The following HECW2 variants were observed in gnomAD, a reference collection of about 807,000 sequenced individuals.
HECW2 encodes the protein HECT, C2 and WW domain containing E3 ubiquitin protein ligase 2.
A neutral mutation model predicts 175.2 loss-of-function variants in HECW2; 61 were observed. That is an observed-to-expected ratio of 0.35 (90% confidence interval 0.28 to 0.43). HECW2 has a LOEUF of 0.43. Among genes scored for constraint, HECW2 ranks in the 20% least tolerant of loss-of-function variants. The probability of loss-of-function intolerance (pLI) is 1.00; values close to 1 mark genes in which losing one functional copy is unlikely to be tolerated. For synonymous variants in HECW2, 671 were observed against 731.0 expected (o/e 0.92, Z 1.32); for missense variants, 1,524 against 2,000.5 (o/e 0.76, Z 4.54).
intron 17 of HECW2, 53 bp downstream of exon 17, chr2:196,271,140 A>T (rs1412045459): frequency 4.8e-6 from 5 of 1,047,016 alleles, no homozygotes; most frequent in Non-Finnish European, 5.9e-6. Context: ...TAAAACTAAG[A>T]TTTAATGGTT....
intron 2 of HECW2, among the ~76,000 whole-genome samples, chr2:196,385,839 A>T (rs1251037974): frequency 6.6e-6 from 1 of 152,240 alleles, no homozygotes; most frequent in Non-Finnish European, 1.5e-5. Context: ...AATTTGGTCC[A>T]AATGAAACTA....
intron 1 of HECW2, among the ~76,000 whole-genome samples, chr2:196,491,462 T>A (rs1687189927): frequency 7.8e-6 from 1 of 127,824 alleles, no homozygotes; most frequent in Non-Finnish European, 1.6e-5. Flanking sequence ...CTTAGGTATA[T>A]TAGGTGTGTG....
At chr2:196,510,936 G>T (rs1169181032) in intron 1 of HECW2, among the ~76,000 whole-genome samples, 4 of 151,578 alleles carry the variant, frequency 2.6e-5, no homozygotes, top group African/African-American at 9.7e-5. Context: ...TTTGTTTGGG[G>T]TTTTTTTCTT....
chr2:196,358,189 T>C (rs1218309239), intron 2 of HECW2, among the ~76,000 whole-genome samples: 1 of 152,164 alleles, frequency 6.6e-6, no homozygotes, highest in Non-Finnish European at 1.5e-5. Context: ...AAAATGATAG[T>C]AATCACACTT....
intron 1 of HECW2, among the ~76,000 whole-genome samples, chr2:196,539,926 T>C (rs955619899): frequency 6.6e-6 from 1 of 152,226 alleles, no homozygotes; most frequent in African/African-American, 2.4e-5. Context: ...AAACTGATAC[T>C]ATCTTTTGTT....
intron 1 of HECW2, among the ~76,000 whole-genome samples, chr2:196,435,549 A>G (rs2125277336): frequency 6.6e-6 from 1 of 152,372 alleles, no homozygotes; most frequent in South Asian, 2.1e-4. Flanking sequence ...TCACAACAGA[A>G]GAAATACTGA....
At chr2:196,392,165 T>A (rs1694531236) in intron 2 of HECW2, among the ~76,000 whole-genome samples, 1 of 152,230 alleles carries the variant, frequency 6.6e-6, no homozygotes, top group East Asian at 1.9e-4. Flanking sequence ...ATTCAATCCC[T>A]TTATCTGTAA....
rs375730848 is a variant in HECW2, at chr2:196,456,882, C to T, written c.-35-23424G>A. On this transcript the variant is annotated intron_variant, in intron 1 of 28. Coordinates refer to ENST00000644978, the MANE Select transcript of HECW2 (RefSeq NM_001348768.2). ...AAGATGCTACAAATTTAAGCAACCT[C>T]GGGTTTTCTTCATTCTTTAATACAC... is the stretch of plus-strand genomic sequence containing the variant. Among the ~76,000 whole-genome samples, 42 of 152,296 alleles carry T rather than the reference C, an allele frequency of 2.8e-4. No homozygotes were observed. In the South Asian group the frequency reaches 8.1e-3, roughly 29 times the overall value.
At chr2:196,537,420 T>C (rs1009889093) in intron 1 of HECW2, among the ~76,000 whole-genome samples, 3 of 151,988 alleles carry the variant, frequency 2.0e-5, no homozygotes, top group Admixed American at 6.6e-5. Context: ...TCCAATTCAG[T>C]TGAAGCTGGA....
At chr2:196,579,389 GAGAC>G (rs1309956499) in intron 1 of HECW2, among the ~76,000 whole-genome samples, 1 of 152,024 alleles carries the variant, frequency 6.6e-6, no homozygotes. Context: ...AAACAGGAAA[GAGAC>G]AGACATAAAT....
At chr2:196,527,453 T>C (rs1381903117) in intron 1 of HECW2, among the ~76,000 whole-genome samples, 1 of 152,224 alleles carries the variant, frequency 6.6e-6, no homozygotes, top group Non-Finnish European at 1.5e-5. Flanking sequence ...TCGCTCACGC[T>C]GGGAGCTGTA....
Position 196,402,133 on chromosome 2 carries a change from G to A in HECW2, c.292+30999C>T, listed in dbSNP as rs188317692. Among the ~76,000 whole-genome samples, 171 of 144,534 alleles carry A rather than the reference G, an allele frequency of 1.2e-3. 2 individuals carry two copies. The Middle Eastern group carries it at 0.026, about 22-fold the overall frequency. 94.8% of individuals were successfully genotyped at this position (144,534 alleles called of 152,430 possible). A position where few individuals can be genotyped will look rare whatever the true frequency, so the allele number is the denominator to read the frequency against. ...GGAGAATGGCATGAATCTGGGAGGCGGAGCTTGCAGTGAGCCGAGATGGCA... is the reference window on the plus strand; with the variant it reads ...GGAGAATGGCATGAATCTGGGAGGCAGAGCTTGCAGTGAGCCGAGATGGCA... On this transcript the variant is annotated intron_variant, in intron 2 of 28. Coordinates refer to ENST00000644978, the MANE Select transcript of HECW2 (RefSeq NM_001348768.2).
In HECW2 at chr2:196,205,158, G is replaced by C. The variant is rs192997505; in HGVS notation, c.4608-3770C>G. 3.9e-5 allele frequency among the ~76,000 whole-genome samples: 6 copies of C among 152,118 alleles called. No homozygotes were observed. In the East Asian group the frequency reaches 9.6e-4, roughly 24 times the overall value. ...AACTTTCCTTCTAATAAACTAAACA[G>C]CTCCTCTGGAAAATATTTCGCGATG... On this transcript the variant is annotated intron_variant, in intron 28 of 28. Transcript: ENST00000644978.
chr2:196,323,917 TTG>T (rs199829223), intron 6 of HECW2, among the ~76,000 whole-genome samples: 25,039 of 71,582 alleles, frequency 0.35, 3,062 homozygotes, highest in South Asian at 0.43. Context: ...TGTTTTTTGT[TTG>T]TTTTTTTTTT....
intron 1 of HECW2, among the ~76,000 whole-genome samples, chr2:196,538,884 G>A (rs77614778): frequency 0.039 from 5,899 of 152,122 alleles, 186 homozygotes; most frequent in Non-Finnish European, 0.054. Flanking sequence ...ACCAATCAAC[G>A]CACCACCACA....
At chr2:196,331,765 T>A (rs1692370391) in intron 4 of HECW2, among the ~76,000 whole-genome samples, 1 of 152,094 alleles carries the variant, frequency 6.6e-6, no homozygotes, top group African/African-American at 2.4e-5. Flanking sequence ...TGAAATCATA[T>A]CCAAATAATT....
At chr2:196,314,049 A>G (rs1691599797) in intron 10 of HECW2, among the ~76,000 whole-genome samples, 1 of 152,160 alleles carries the variant, frequency 6.6e-6, no homozygotes, top group Non-Finnish European at 1.5e-5. Flanking sequence ...CTCAAACTAC[A>G]CTGCTTCAGT....
At chr2:196,535,461 G>A (rs1477097928) in intron 1 of HECW2, among the ~76,000 whole-genome samples, 1 of 152,134 alleles carries the variant, frequency 6.6e-6, no homozygotes, top group Non-Finnish European at 1.5e-5. Context: ...TAATGCCTTG[G>A]ATAACATACT....
At chr2:196,541,563 G>T (rs1689215244) in intron 1 of HECW2, among the ~76,000 whole-genome samples, 1 of 152,110 alleles carries the variant, frequency 6.6e-6, no homozygotes, top group Non-Finnish European at 1.5e-5. Flanking sequence ...TATGGCTTCT[G>T]CAAGAAAGCC....
Sources: gnomAD v4.1 joint callset for allele counts (sites outside exome capture counted in the v4.1 genomes callset) on GRCh38, gnomAD v4.1.1 for gene constraint, MANE v1.5 for transcripts, NCBI Gene and HGNC (gene_info 2026-07-23, HGNC 2026-07-21) for gene names.